The following GREP1 variants were observed in gnomAD, a reference collection of about 807,000 sequenced individuals.
The protein encoded by GREP1 is glycine rich extracellular protein 1.
intron 25 of GREP1, among the ~76,000 whole-genome samples, 156 bp from the exon 24 acceptor site, chr16:2,998,692 G>A (rs2072441342): frequency 6.6e-6 from 1 of 152,182 alleles, no homozygotes; most frequent in Admixed American, 6.5e-5. Context: ...AAGGGAGCTG[G>A]GCTTTTTCCA....
At chr16:2,998,759 G>A (rs572286240) in intron 25 of GREP1, 89 bp from the exon 24 acceptor site, 2 of 398,886 alleles carry the variant, frequency 5.0e-6, no homozygotes, top group South Asian at 1.3e-4. Flanking sequence ...CTACAGGCCG[G>A]TGGCTTGGCC....
At position 2,991,242 on chromosome 16, in the gene GREP1, C is replaced by T. The variant is rs2072397807; in HGVS notation, c.322+141C>T. 5.0e-6 allele frequency: 2 copies of T among 396,736 alleles called. No individual in the cohort carries two copies. The allele number at this position is 396,736 out of a possible 1,614,324, so 24.6% of individuals were successfully genotyped here. A position where few individuals can be genotyped will look rare whatever the true frequency, so the allele number is the denominator to read the frequency against. On this transcript the variant is annotated intron_variant, in intron 8 of 34. Coordinates refer to ENST00000573315, the Ensembl canonical transcript of GREP1. This position sits in a 1 kb window ranked among gnomAD's most constrained non-coding sequence, Gnocchi z 4.9. ...TCAGCCACTCTGTCCCTTCCCAGGC[C>T]TGGGAGTGGGCGTGAAACCTCCGAA...
At position 2,996,190 on chromosome 16, in the gene GREP1, C is replaced by T. The variant is rs112028393; in HGVS notation, c.676+280C>T. 6.7e-3 allele frequency among the ~76,000 whole-genome samples: 1,023 copies of T among 152,290 alleles called. 9 individuals carry two copies. The highest frequency in any genetic ancestry group is 0.024 in the African/African-American group (983 of 41,564). On this transcript the variant is annotated intron_variant, in intron 18 of 34. Transcript: ENST00000573315. ...TCAGATGATCCACCTGCCTTGGCTT[C>T]CCAAAGTGCTGGGATGACAGGCGTG...
At chr16:2,990,251 G>A (rs116984883) in intron 5 of GREP1, 129 bp downstream of exon 5, 8 of 397,836 alleles carry the variant, frequency 2.0e-5, no homozygotes, top group East Asian at 3.6e-5. Flanking sequence ...TAGTCCAAGG[G>A]GGGGTTCAAG....
At position 2,990,120 on chromosome 16, in the gene GREP1, C is replaced by CA; in HGVS notation, c.198dup (p.Asp67ArgfsTer3). On this transcript the variant is annotated frameshift_variant and splice_region_variant, in exon 5 of 35. Coordinates refer to ENST00000573315, the Ensembl canonical transcript of GREP1. LOFTEE classifies it high-confidence loss of function. The stretch of plus-strand genomic sequence containing the variant: ...GTCAGGCATGGGCTGGGAACCCAGC[C>CA]AGGTGAGAGCCGTGGGGTCCCCTCC... The CA allele has an allele frequency of 2.5e-6, 1 of 399,248 alleles. No homozygotes were observed. Among genetic ancestry groups the CA allele is most frequent in the Non-Finnish European group, 4.4e-6 (1 of 226,162 alleles). 24.7% of individuals were successfully genotyped at this position (399,248 alleles called of 1,614,324 possible).
chr16:3,001,740 T>A lies in GREP1; in HGVS notation c.*154T>A, dbSNP rs552606153. 1.8e-5 allele frequency: 7 copies of A among 398,148 alleles called. 1 individual carries two copies. Among genetic ancestry groups the A allele is most frequent in the African/African-American group, 8.2e-5 (4 of 48,768 alleles). The allele number at this position is 398,148 out of a possible 1,614,324, so 24.7% of individuals were successfully genotyped here. A position where few individuals can be genotyped will look rare whatever the true frequency, so the allele number is the denominator to read the frequency against. On this transcript the variant is annotated 3_prime_UTR_variant, in exon 35 of 35. Transcript: ENST00000573315. Reference sequence around the variant, plus strand: ...CATGCAAGGGGCTTGCTGACCAGGGTGGGAGTGGCATGGGCCTGCAGCCAC... The same window carrying A: ...CATGCAAGGGGCTTGCTGACCAGGGAGGGAGTGGCATGGGCCTGCAGCCAC...
intron 2 of GREP1, chr16:2,988,846 C>G (rs570846425): frequency 2.6e-6 from 1 of 391,308 alleles, no homozygotes; most frequent in East Asian, 3.6e-5. Context: ...GCCCTGAGGA[C>G]GGGCCTGGGC....
chr16:2,990,625 T>C (rs2072393826), intron 7 of GREP1, 38 bp downstream of exon 6: 3 of 398,998 alleles, frequency 7.5e-6, no homozygotes, highest in African/African-American at 6.2e-5. Flanking sequence ...TGGGAGGGGC[T>C]TGGGGGTGCC....
At chr16:3,000,857 G>C (rs2072457842) in intron 33 of GREP1, 30 bp downstream of exon 27, 1 of 398,822 alleles carries the variant, frequency 2.5e-6, no homozygotes, top group African/African-American at 2.1e-5. Flanking sequence ...AGTGTGTTGG[G>C]GCCATTAGAG....
At chr16:2,994,960 C>T (rs1364730601) in exon 13 of GREP1, 1 of 399,080 alleles carries the variant, frequency 2.5e-6, no homozygotes, top group Non-Finnish European at 4.4e-6. Flanking sequence ...GGAGCCCAGC[C>T]AGGTGAAGGG....
At chr16:2,990,409 G>C in intron 5 of GREP1, 143 bp from the exon 6 acceptor site, 1 of 399,030 alleles carries the variant, frequency 2.5e-6, no homozygotes, top group Non-Finnish European at 4.4e-6. Context: ...GTATCCCTGG[G>C]ATGGGGATTC....
intron 13 of GREP1, 43 bp downstream of exon 14, chr16:2,995,005 C>A (rs1036817540): frequency 2.5e-6 from 1 of 399,062 alleles, no homozygotes; most frequent in East Asian, 3.6e-5. Context: ...TGCATCTGGG[C>A]GGCCTCTTCC....
At position 2,989,435 on chromosome 16, in the gene GREP1, A is replaced by G. The variant is rs9925891; in HGVS notation, c.101-88A>G. Reference sequence around the variant, plus strand: ...AGCCCAAATGGCTACAGATCTGGTAAAGCTGGTGGCGGGGTGCTTGGGGAG... The same window carrying G: ...AGCCCAAATGGCTACAGATCTGGTAGAGCTGGTGGCGGGGTGCTTGGGGAG... On this transcript the variant is annotated intron_variant, in intron 2 of 34. Transcript: ENST00000573315. This position sits in a 1 kb window ranked among gnomAD's most constrained non-coding sequence, Gnocchi z 4.2. The G allele has an allele frequency of 3.9e-3, 1,553 of 399,066 alleles. 23 individuals carry two copies. Among genetic ancestry groups the G allele is most frequent in the African/African-American group, 0.029 (1,396 of 48,732 alleles). 24.7% of individuals were successfully genotyped at this position (399,066 alleles called of 1,614,324 possible). A position where few individuals can be genotyped will look rare whatever the true frequency, so the allele number is the denominator to read the frequency against.
exon 34 of GREP1, chr16:3,001,309 T>C (rs1210245925): frequency 1.0e-5 from 4 of 399,068 alleles, no homozygotes; most frequent in Non-Finnish European, 1.8e-5. Context: ...GAGGCAGCAA[T>C]GGCCAGCTGG....
rs1456052300 is a variant in GREP1 at position 2,994,694 on chromosome 16, A to C, written c.386-4A>C. On this transcript the variant is annotated splice_region_variant and splice_polypyrimidine_tract_variant and intron_variant, in intron 10 of 34. Coordinates refer to ENST00000573315, the Ensembl canonical transcript of GREP1. ...AGGGCCTTAACCCTTTCTCTCCTCC[A>C]CAGGCCCCACCACTCAAAATGGCTA... The C allele has an allele frequency of 2.5e-6, 1 of 398,752 alleles. No individual in the cohort carries two copies. Among genetic ancestry groups the C allele is most frequent in the Non-Finnish European group, 4.4e-6 (1 of 226,046 alleles). 24.7% of individuals were successfully genotyped at this position (398,752 alleles called of 1,614,324 possible). A position where few individuals can be genotyped will look rare whatever the true frequency, so the allele number is the denominator to read the frequency against.
chr16:2,990,267 T>G (rs1298332478), intron 5 of GREP1, 145 bp downstream of exon 5: 3 of 398,000 alleles, frequency 7.5e-6, no homozygotes, highest in East Asian at 3.6e-5. Flanking sequence ...TCAAGGGTCT[T>G]GTACCCCCAC....
In GREP1 at chr16:2,992,940, G is replaced by C. The variant is rs1216045245; in HGVS notation, c.362G>C (p.Gly121Ala). The C allele has an allele frequency of 7.5e-6, 3 of 398,928 alleles. No individual in the cohort carries two copies. Among genetic ancestry groups the C allele is most frequent in the East Asian group, 7.1e-5 (2 of 28,090 alleles). 24.7% of individuals were successfully genotyped at this position (398,928 alleles called of 1,614,324 possible). The change falls in exon 10 of 35, where the codon GGG (glycine) becomes GCG (alanine). Residue 121 changes from glycine (G) to alanine (A), a missense_variant. Gly to Ala is a moderately conservative substitution (Grantham distance 60). Coordinates refer to ENST00000573315, the Ensembl canonical transcript of GREP1. The surrounding 1 kb of genome is among the most constrained non-coding windows in gnomAD (Gnocchi z 4.9). ...CTCATCTTCCCCCCAGGCTTTGGAG[G>C]GGGTGGAAAACCCCAGAAGCCAGGT... is the stretch of plus-strand genomic sequence containing the variant.
chr16:2,998,723 AG>A, intron 25 of GREP1, 124 bp from the exon 24 acceptor site: 1 of 398,460 alleles, frequency 2.5e-6, no homozygotes, highest in Non-Finnish European at 4.4e-6. Flanking sequence ...TGTCCCCCTA[AG>A]GTGCTGGGTC....
chr16:2,988,758 CTCA>C (rs1471175751), intron 2 of GREP1, 136 bp downstream of exon 2: 1 of 398,110 alleles, frequency 2.5e-6, no homozygotes, highest in African/African-American at 2.1e-5. Context: ...GGCAGGGAGT[CTCA>C]TCAAGTGTCC....
Sources: gnomAD v4.1 joint callset for allele counts (sites outside exome capture counted in the v4.1 genomes callset) on GRCh38, gnomAD v4.1.1 for gene constraint, Gnocchi (gnomAD v3.1) non-coding constraint, MANE v1.5 for transcripts, NCBI Gene and HGNC (gene_info 2026-07-23, HGNC 2026-07-21) for gene names.